Variants in DMD observed in about 807,000 individuals in gnomAD.
DMD encodes the protein mutant dystrophin.
Under a neutral mutation model 330.1 loss-of-function variants are expected in DMD, and 63 were observed. The observed-to-expected ratio is 0.19, with a 90% CI of 0.16 to 0.24. The LOEUF is 0.24. DMD is among the 10% of genes least tolerant of loss of function. DMD has a pLI of 1.00. For missense variants in DMD, 3,344 were observed against 2,684.1 expected (o/e 1.25, Z -5.43); for synonymous variants, 1,223 against 959.8 (o/e 1.27, Z -5.07).
intron 9 of DMD, among the ~76,000 whole-genome samples, chrX:32,688,284 G>A (rs1395487817): frequency 9.0e-6 from 1 of 111,565 alleles, no homozygotes; most frequent in African/African-American, 3.3e-5. Context: ...CAATACCTCT[G>A]GACCTATCTC....
At position 32,364,606 on chromosome X, in the gene DMD, G is replaced by T. The variant is rs1187179874; in HGVS notation, c.5130C>A (p.Pro1710=). The change falls in exon 36 of 79, where the codon CCC becomes CCA. Residue 1710 remains proline, a synonymous_variant. Coordinates refer to ENST00000357033, the MANE Select transcript of DMD (RefSeq NM_004006.3). ...CCTTAAGCACGTCTTCTTTTTGCTG[G>T]GGTTTCTTTTTCTCTGATTCATCCA... is the stretch of plus-strand genomic sequence containing the variant. ...TLLDESEKKK[P]QQKEDVLKRL... 8.3e-7 allele frequency: 1 copy of T among 1,210,509 alleles called. No individual in the cohort carries two copies. The highest frequency in any genetic ancestry group is 3.0e-5 in the East Asian group (1 of 33,758).
At chrX:32,826,620 G>A (rs770176921) in intron 4 of DMD, among the ~76,000 whole-genome samples, 5 of 111,554 alleles carry the variant, frequency 4.5e-5, no homozygotes, top group Non-Finnish European at 9.4e-5. Context: ...ATTACATCAT[G>A]TCACTTGTAT....
chrX:31,227,949 C>T (rs1303480455), intron 63 of DMD, among the ~76,000 whole-genome samples: 1 of 108,973 alleles, frequency 9.2e-6, no homozygotes, highest in East Asian at 2.9e-4. Flanking sequence ...GAGTTCATGT[C>T]CTTTGTAGGG....
chrX:32,905,585 G>C (rs1049615515), intron 2 of DMD, among the ~76,000 whole-genome samples: 4 of 111,454 alleles, frequency 3.6e-5, no homozygotes, highest in African/African-American at 1.3e-4. Flanking sequence ...AACATAATTT[G>C]AAAGTATACA....
intron 2 of DMD, among the ~76,000 whole-genome samples, chrX:32,934,219 T>G (rs188590676): frequency 9.0e-6 from 1 of 111,445 alleles, no homozygotes; most frequent in Non-Finnish European, 1.9e-5. Flanking sequence ...GATGCATCTC[T>G]TTTAGAAACA....
At chrX:33,017,602 C>T (rs1234411434) in intron 2 of DMD, among the ~76,000 whole-genome samples, 1 of 111,108 alleles carries the variant, frequency 9.0e-6, no homozygotes, top group African/African-American at 3.3e-5. Context: ...GTACTACTGA[C>T]CTAGTATATT....
At chrX:32,853,910 A>C (rs2081345754) in intron 2 of DMD, among the ~76,000 whole-genome samples, 1 of 111,727 alleles carries the variant, frequency 9.0e-6, no homozygotes, top group Admixed American at 9.5e-5. Context: ...GATAGCAACC[A>C]AAAAAGAACA....
At chrX:32,579,492 TATTC>T (rs1351709902) in intron 13 of DMD, among the ~76,000 whole-genome samples, 7 of 112,088 alleles carry the variant, frequency 6.2e-5, no homozygotes, top group Non-Finnish European at 1.3e-4. Context: ...TTCATAATGG[TATTC>T]ATTCAGTAGG....
intron 1 of DMD, among the ~76,000 whole-genome samples, chrX:33,179,098 A>T (rs1445762124): frequency 1.8e-5 from 2 of 112,292 alleles, no homozygotes; most frequent in East Asian, 5.6e-4. Context: ...AGAGTAAGAA[A>T]AGCTTACTTC....
intron 2 of DMD, among the ~76,000 whole-genome samples, chrX:32,951,079 G>T (rs1442427807): frequency 9.0e-6 from 1 of 111,318 alleles, no homozygotes; most frequent in South Asian, 3.8e-4. Flanking sequence ...GTCCAGGGAG[G>T]CTCATTCCTT....
intron 44 of DMD, among the ~76,000 whole-genome samples, chrX:32,108,542 T>C (rs1393662416): frequency 8.9e-6 from 1 of 111,771 alleles, no homozygotes; most frequent in East Asian, 2.8e-4. Flanking sequence ...GATACAATGA[T>C]GGCATTTACA....
At chrX:33,213,639 A>T (rs2051997358), upstream of DMD, among the ~76,000 whole-genome samples, 1 of 111,704 alleles carries the variant, frequency 9.0e-6, no homozygotes, top group Admixed American at 9.6e-5. Flanking sequence ...TTAAAAATTT[A>T]TTTTAACTTG....
chrX:31,833,334 GAGAGAGT>G (rs2093110735), intron 49 of DMD, among the ~76,000 whole-genome samples: 2 of 38,781 alleles, frequency 5.2e-5, no homozygotes, highest in Non-Finnish European at 9.7e-5. Context: ...GGGAGAGAGG[GAGAGAGT>G]GGAGAGGGAG....
intron 7 of DMD, among the ~76,000 whole-genome samples, chrX:32,776,229 C>T (rs1406039211): frequency 1.8e-5 from 2 of 110,425 alleles, no homozygotes; most frequent in African/African-American, 6.6e-5. Context: ...CAAAGCCATT[C>T]AACAAGTCTC....
intron 9 of DMD, among the ~76,000 whole-genome samples, chrX:32,690,961 C>CA (rs111799328): frequency 0.036 from 3,864 of 108,535 alleles, 160 homozygotes; most frequent in African/African-American, 0.12. Flanking sequence ...GCAATAAAAG[C>CA]AAAAAAAATA....
At chrX:31,645,878 G>C (rs942219581) in intron 54 of DMD, among the ~76,000 whole-genome samples, 1 of 111,837 alleles carries the variant, frequency 8.9e-6, no homozygotes, top group African/African-American at 3.2e-5. Context: ...TGTTCGCTTT[G>C]ATTTAACTTG....
chrX:32,736,533 T>C (rs1272615813), intron 7 of DMD, among the ~76,000 whole-genome samples: 3 of 110,494 alleles, frequency 2.7e-5, no homozygotes, highest in African/African-American at 1.0e-4. Context: ...CCAACAATGA[T>C]AGAGTGGATT....
intron 2 of DMD, among the ~76,000 whole-genome samples, chrX:32,866,229 C>G (rs138891471): frequency 8.9e-6 from 1 of 111,910 alleles, no homozygotes; most frequent in Non-Finnish European, 1.9e-5. Flanking sequence ...ATCAGCAAAG[C>G]CCCTTAGCCA....
At chrX:32,844,014 G>A (rs1265941168) in intron 4 of DMD, among the ~76,000 whole-genome samples, 1 of 112,320 alleles carries the variant, frequency 8.9e-6, no homozygotes, top group Non-Finnish European at 1.9e-5. Context: ...ATAAGTGTTG[G>A]CTTGATTTAA....
Sources: gnomAD v4.1 joint callset for allele counts (sites outside exome capture counted in the v4.1 genomes callset) on GRCh38, gnomAD v4.1.1 for gene constraint, MANE v1.5 for transcripts, NCBI Gene and HGNC (gene_info 2026-07-23, HGNC 2026-07-21) for gene names.